Variants in HGF observed in about 807,000 individuals in gnomAD.
HGF encodes the protein fibroblast-derived tumor cytotoxic factor.
Under a neutral mutation model 111.6 loss-of-function variants are expected in HGF, and 39 were observed. The observed-to-expected ratio is 0.35, with a 90% CI of 0.27 to 0.46. The LOEUF (loss-of-function observed/expected upper bound fraction) is 0.46. Ranked by LOEUF, HGF falls within the 20% of genes least tolerant of loss-of-function variation. The probability of loss-of-function intolerance (pLI) is 1.00; values close to 1 mark genes in which losing one functional copy is unlikely to be tolerated. For synonymous variants in HGF, 285 were observed against 294.8 expected, an observed-to-expected ratio of 0.97 and a Z score of 0.34; for missense variants, 735 against 910.5, an observed-to-expected ratio of 0.81 and a Z score of 2.48.
intron 7 of HGF, among the ~76,000 whole-genome samples, chr7:81,730,639 A>G (rs1461576455): frequency 1.3e-5 from 2 of 152,142 alleles, no homozygotes; most frequent in Non-Finnish European, 2.9e-5. Flanking sequence ...GTCACTAAGT[A>G]ATAAAAGTAT....
chr7:81,710,240 G>A lies in HGF; in HGVS notation c.1448C>T (p.Pro483Leu). Residue 483 changes from proline to leucine, a missense_variant, in exon 13 of 18, where the codon CCC (proline) becomes CTC (leucine). By Grantham distance (98) the Pro-to-Leu change is moderately conservative (BLOSUM62 -3). This residue lies in a region of HGF where 553 missense variants were observed against 685.6 expected (regional missense o/e 0.81). Coordinates refer to ENST00000222390, the MANE Select transcript of HGF (RefSeq NM_000601.6). ...TTTCGTTTTGGCACAAGATATTACG[G>A]GATCTGAAACAGGACCAAACATAAC... ...TTPTIVNLDH[P>L]VISCAKTKQL... 6.2e-7 allele frequency: 1 copy of A among 1,608,662 alleles called. No homozygotes were observed. Among genetic ancestry groups the A allele is most frequent in the Non-Finnish European group, 8.5e-7 (1 of 1,175,198 alleles).
intron 4 of HGF, among the ~76,000 whole-genome samples, chr7:81,754,945 G>C (rs982713434): frequency 1.3e-5 from 2 of 152,108 alleles, no homozygotes; most frequent in Non-Finnish European, 2.9e-5. Flanking sequence ...CCTTGCTGTT[G>C]GCAAGGCTTT....
rs574788053 is a variant in HGF, at chr7:81,746,384, G to T, written c.626-1264C>A. Among the ~76,000 whole-genome samples, 16 of 152,238 alleles carry T rather than the reference G, an allele frequency of 1.1e-4. No individual in the cohort carries two copies. The South Asian group carries it at 3.3e-3, about 32-fold the overall frequency. On this transcript the variant is annotated intron_variant, in intron 5 of 17. Coordinates refer to ENST00000222390, the MANE Select transcript of HGF (RefSeq NM_000601.6). ...TGAGCATATCAATAAAGGTGCTCAGGTTGGCCAGGGTCATAGCAGTGCTCA... is the reference window on the plus strand; with the variant it reads ...TGAGCATATCAATAAAGGTGCTCAGTTTGGCCAGGGTCATAGCAGTGCTCA...
intron 11 of HGF, among the ~76,000 whole-genome samples, chr7:81,713,568 C>T (rs1023566199): frequency 6.6e-6 from 1 of 151,506 alleles, no homozygotes; most frequent in East Asian, 1.9e-4. Context: ...AGACACTATA[C>T]ATTTTGGGTT....
intron 17 of HGF, 62 bp downstream of exon 17, chr7:81,705,328 A>C: frequency 6.6e-7 from 1 of 1,525,260 alleles, no homozygotes; most frequent in Non-Finnish European, 9.1e-7. Flanking sequence ...AAACAGAAAA[A>C]AATAAACATG....
At chr7:81,754,103 T>G (rs1432158237) in intron 4 of HGF, among the ~76,000 whole-genome samples, 1 of 151,960 alleles carries the variant, frequency 6.6e-6, no homozygotes, top group East Asian at 1.9e-4. Flanking sequence ...GGTAGAGTGG[T>G]GAGAAGTTTA....
At chr7:81,763,825 A>G (rs1789221173) in intron 1 of HGF, among the ~76,000 whole-genome samples, 1 of 152,116 alleles carries the variant, frequency 6.6e-6, no homozygotes, top group African/African-American at 2.4e-5. Context: ...GCTTATACCA[A>G]AGGCAGTAAG....
chr7:81,727,039 T>G (rs570758718), intron 8 of HGF, among the ~76,000 whole-genome samples: 944 of 82,274 alleles, frequency 0.011, 9 homozygotes, highest in African/African-American at 0.041. Context: ...GAAACTGAGG[T>G]TTTTTTTTTG....
At chr7:81,713,886 T>G (rs1789638127) in intron 11 of HGF, among the ~76,000 whole-genome samples, 1 of 152,094 alleles carries the variant, frequency 6.6e-6, no homozygotes, top group Non-Finnish European at 1.5e-5. Flanking sequence ...TACAAAAATA[T>G]ATGTGATACA....
intron 13 of HGF, 54 bp downstream of exon 13, chr7:81,710,093 G>A: frequency 8.4e-7 from 1 of 1,196,516 alleles, no homozygotes; most frequent in Non-Finnish European, 1.3e-6. Flanking sequence ...TCTGGGAATA[G>A]GACTCTCTTG....
intron 4 of HGF, 101 bp from the exon 5 acceptor site, chr7:81,752,363 A>C: frequency 1.1e-6 from 1 of 928,152 alleles, no homozygotes; most frequent in Non-Finnish European, 1.8e-6. Flanking sequence ...AAGGTAGAAA[A>C]ATCCTTTATC....
intron 7 of HGF, among the ~76,000 whole-genome samples, chr7:81,741,518 A>G (rs973510954): frequency 4.0e-5 from 6 of 151,208 alleles, no homozygotes; most frequent in African/African-American, 1.2e-4. Context: ...CAACATTTGG[A>G]TTTCTTGGTG....
chr7:81,761,179 G>A (rs1266666647), intron 2 of HGF, among the ~76,000 whole-genome samples: 5 of 152,142 alleles, frequency 3.3e-5, no homozygotes, highest in African/African-American at 1.2e-4. Context: ...CTGAGATGTT[G>A]ATTGAGAGTA....
chr7:81,758,654 T>G (rs759601923), intron 3 of HGF, 38 bp downstream of exon 3: 5 of 1,185,508 alleles, frequency 4.2e-6, no homozygotes, highest in Non-Finnish European at 3.8e-6. Context: ...TCATTATACT[T>G]TATTTCATTA....
chr7:81,722,771 G>A (rs1302367910), intron 9 of HGF, among the ~76,000 whole-genome samples: 2 of 130,784 alleles, frequency 1.5e-5, no homozygotes, highest in African/African-American at 3.0e-5. Flanking sequence ...CCAAGATCAT[G>A]CCACTGCAAT....
intron 11 of HGF, among the ~76,000 whole-genome samples, chr7:81,716,947 T>G (rs1252892796): frequency 6.6e-6 from 1 of 152,130 alleles, no homozygotes; most frequent in African/African-American, 2.4e-5. Flanking sequence ...ATATTAGAAC[T>G]GTGGCCAATT....
intron 7 of HGF, among the ~76,000 whole-genome samples, chr7:81,737,032 A>G (rs1400948032): frequency 6.6e-6 from 1 of 151,978 alleles, no homozygotes. Context: ...CATGTTAAAA[A>G]ATGATACTCT....
intron 7 of HGF, among the ~76,000 whole-genome samples, chr7:81,741,583 CTGTGTGTGTGTG>C (rs78641495): frequency 1.2e-4 from 17 of 140,652 alleles, no homozygotes; most frequent in Non-Finnish European, 1.7e-4. Flanking sequence ...GTGTGTGTGT[CTGTGTGTGTGTG>C]TGTGTGTGTG....
chr7:81,739,646 A>G (rs1415152961), intron 7 of HGF, among the ~76,000 whole-genome samples: 1 of 152,110 alleles, frequency 6.6e-6, no homozygotes, highest in Non-Finnish European at 1.5e-5. Context: ...AGGTGTTGAC[A>G]TGCCTGGCTT....
Sources: gnomAD v4.1 joint callset for allele counts (sites outside exome capture counted in the v4.1 genomes callset) on GRCh38, gnomAD v4.1.1 for gene constraint, gnomAD v4.1.1 regional missense constraint, MANE v1.5 for transcripts, NCBI Gene and HGNC (gene_info 2026-07-23, HGNC 2026-07-21) for gene names.